RIPOR2: variants seen among roughly 807,000 people sequenced by gnomAD.
RIPOR2 encodes RHO family interacting cell polarization regulator 2.
In RIPOR2, 39 loss-of-function variants were observed where a neutral mutation model predicts 114.5. The observed-to-expected ratio is 0.34, with a 90% CI of 0.26 to 0.44. RIPOR2 has a LOEUF of 0.44. Among genes scored for constraint, RIPOR2 ranks in the 20% least tolerant of loss-of-function variants. RIPOR2 has a pLI of 1.00. For missense variants in RIPOR2, 1,007 were observed against 1,255.1 expected (o/e 0.80, Z 2.99); for synonymous variants, 445 against 484.4 (o/e 0.92, Z 1.07).
rs143941406 is a variant in RIPOR2 at position 24,819,240 on chromosome 6, A to G, written c.2869-615T>C. Among the ~76,000 whole-genome samples the G allele has an allele frequency of 7.2e-5, 11 of 152,296 alleles. No individual in the cohort carries two copies. The East Asian group carries it at 2.1e-3, about 29-fold the overall frequency. On this transcript the variant is annotated intron_variant, in intron 19 of 21. Transcript: ENST00000643898. ...GAAGAGAAGAAATGTATTAGGTCCC[A>G]TAAGAAATCTACAAGGTAAGTCAGT...
chr6:24,838,248 A>G (rs1050643742), intron 14 of RIPOR2, among the ~76,000 whole-genome samples: 1 of 152,168 alleles, frequency 6.6e-6, no homozygotes, highest in Non-Finnish European at 1.5e-5. Flanking sequence ...AATATGCACC[A>G]TGGGACTTAA....
At chr6:24,911,854 A>G (rs1309029749) in intron 1 of RIPOR2, among the ~76,000 whole-genome samples, 1 of 152,166 alleles carries the variant, frequency 6.6e-6, no homozygotes, top group African/African-American at 2.4e-5. Flanking sequence ...TAATGAATAA[A>G]TTGTGTATTT....
intron 1 of RIPOR2, among the ~76,000 whole-genome samples, chr6:24,970,865 A>G (rs1303416156): frequency 1.3e-5 from 2 of 151,062 alleles, no homozygotes; most frequent in Non-Finnish European, 2.9e-5. Flanking sequence ...TTCTGGAGTC[A>G]CTAGCAAGCG....
chr6:24,862,798 A>C (rs5018459), intron 7 of RIPOR2, among the ~76,000 whole-genome samples: 60,219 of 145,538 alleles, frequency 0.41, 12,356 homozygotes, highest in Middle Eastern at 0.49. Flanking sequence ...TCCCCCGACC[A>C]CTGGCACCCC....
At chr6:24,834,160 C>G (rs1760911577) in intron 15 of RIPOR2, among the ~76,000 whole-genome samples, 1 of 151,960 alleles carries the variant, frequency 6.6e-6, no homozygotes, top group Non-Finnish European at 1.5e-5. Flanking sequence ...GGTTTTTGAC[C>G]TCAAAACTCA....
chr6:24,836,395 T>C (rs1456727702), intron 14 of RIPOR2, among the ~76,000 whole-genome samples: 4 of 152,198 alleles, frequency 2.6e-5, no homozygotes, highest in African/African-American at 4.8e-5. Context: ...AAAAGGGTGT[T>C]TGAATATTCA....
intron 19 of RIPOR2, among the ~76,000 whole-genome samples, chr6:24,823,386 T>C (rs1367065267): frequency 6.6e-6 from 1 of 152,216 alleles, no homozygotes; most frequent in African/African-American, 2.4e-5. Flanking sequence ...TCCTAATCCA[T>C]AAAGTGGGAT....
At chr6:24,932,748 T>C (rs1334050041) in intron 1 of RIPOR2, among the ~76,000 whole-genome samples, 1 of 152,194 alleles carries the variant, frequency 6.6e-6, no homozygotes, top group Non-Finnish European at 1.5e-5. Flanking sequence ...CTTAAAAATG[T>C]GTCAATTGCA....
chr6:24,963,047 G>GT (rs767746433), intron 1 of RIPOR2, among the ~76,000 whole-genome samples: 6 of 151,848 alleles, frequency 4.0e-5, no homozygotes, highest in Non-Finnish European at 7.4e-5. Flanking sequence ...TTTTGTTTTT[G>GT]TTTTTTTGAG....
Position 24,832,304 on chromosome 6 carries a change from C to A in RIPOR2, c.2296G>T (p.Ala766Ser). The A allele has an allele frequency of 6.4e-7, 1 of 1,551,792 alleles. No individual in the cohort carries two copies. Among genetic ancestry groups the A allele is most frequent in the Non-Finnish European group, 8.7e-7 (1 of 1,146,962 alleles). Residue 766 changes from alanine (A) to serine (S), a missense_variant, in exon 16 of 22, where the codon GCA (alanine) becomes TCA (serine). Coordinates refer to ENST00000643898, the MANE Select transcript of RIPOR2 (RefSeq NM_001286445.3). ...CCTATGTTCTCATCACTGACAGCTGCGAGTTTCTCCATCACTTGGATCTGC... is the reference window on the plus strand; with the variant it reads ...CCTATGTTCTCATCACTGACAGCTGAGAGTTTCTCCATCACTTGGATCTGC... ...SRQIQVMEKL[A>S]AVSDENIGNI...
intron 12 of RIPOR2, among the ~76,000 whole-genome samples, chr6:24,844,759 G>A (rs1762090331): frequency 6.6e-6 from 1 of 152,140 alleles, no homozygotes; most frequent in South Asian, 2.1e-4. Context: ...TTACAGGCGT[G>A]AGCCACCGCG....
At chr6:24,995,841 G>A (rs571364868) in intron 1 of RIPOR2, among the ~76,000 whole-genome samples, 14 of 137,306 alleles carry the variant, frequency 1.0e-4, no homozygotes, top group African/African-American at 3.3e-4. Context: ...TCGCTCTGTC[G>A]CCCCAGGCTG....
chr6:24,995,393 T>C (rs1775000658), intron 1 of RIPOR2, among the ~76,000 whole-genome samples: 1 of 152,226 alleles, frequency 6.6e-6, no homozygotes, highest in Non-Finnish European at 1.5e-5. Context: ...AAGTGTGCTA[T>C]TCCTGGGTGG....
At chr6:25,023,163 C>T (rs1354210817) in intron 1 of RIPOR2, 7 of 583,132 alleles carry the variant, frequency 1.2e-5, no homozygotes, top group Non-Finnish European at 2.3e-5. Context: ...GAACAAGTCA[C>T]AATTACAAAT....
intron 1 of RIPOR2, among the ~76,000 whole-genome samples, chr6:25,033,478 A>C (rs1036276018): frequency 3.3e-5 from 5 of 152,094 alleles, no homozygotes; most frequent in Non-Finnish European, 7.4e-5. Context: ...GCATTTTTCC[A>C]AGAAGCCCTC....
At chr6:24,945,702 G>C (rs1561798304) in intron 1 of RIPOR2, among the ~76,000 whole-genome samples, 1 of 152,068 alleles carries the variant, frequency 6.6e-6, no homozygotes. Context: ...TATAAATTAA[G>C]ATGTTAATTG....
intron 1 of RIPOR2, among the ~76,000 whole-genome samples, chr6:24,899,815 G>A (rs1380143915): frequency 6.6e-6 from 1 of 152,096 alleles, no homozygotes; most frequent in Non-Finnish European, 1.5e-5. Flanking sequence ...GATCTCTGAG[G>A]CGTCAATCGT....
chr6:24,843,628 A>ACAGAATAT (rs1370100184), intron 12 of RIPOR2, 74 bp from the exon 13 acceptor site: 1 of 1,129,212 alleles, frequency 8.9e-7, no homozygotes, highest in African/African-American at 1.6e-5. Context: ...TTATTTCCAG[A>ACAGAATAT]CAGAATATAA....
chr6:24,940,576 G>C (rs550773201), upstream of RIPOR2, among the ~76,000 whole-genome samples: 1 of 152,170 alleles, frequency 6.6e-6, no homozygotes, highest in South Asian at 2.1e-4. Context: ...TGCCAGTAAA[G>C]ATGCACCTAA....
Sources: allele counts gnomAD v4.1 joint callset (sites outside exome capture counted in the v4.1 genomes callset), GRCh38; gene constraint gnomAD v4.1.1; transcripts MANE v1.5; gene names NCBI Gene and HGNC (gene_info 2026-07-23, HGNC 2026-07-21).